NOC3L: variants seen among roughly 807,000 people sequenced by gnomAD.
The protein encoded by NOC3L is nucleolar complex protein 3 homolog.
Under a neutral mutation model 102.5 loss-of-function variants are expected in NOC3L, and 85 were observed. That is an observed-to-expected ratio of 0.83 (90% CI 0.70 to 0.99). The LOEUF (loss-of-function observed/expected upper bound fraction) is 0.99, where lower values mean the gene tolerates loss of function less well. Ranked by LOEUF, NOC3L falls within the 50% of genes least tolerant of loss-of-function variation. NOC3L has a pLI of 0.00. For synonymous variants in NOC3L, 303 were observed against 309.4 expected, an observed-to-expected ratio of 0.98 and a Z score of 0.22; for missense variants, 878 against 914.9, an observed-to-expected ratio of 0.96 and a Z score of 0.52.
chr10:94,337,980 C>A (rs2054242399), intron 18 of NOC3L, 106 bp from the exon 19 acceptor site: 1 of 742,924 alleles, frequency 1.3e-6, no homozygotes, highest in Non-Finnish European at 2.3e-6. Context: ...AATTTTTTTT[C>A]ATCACCTATG....
At chr10:94,335,181 G>A (rs947249530) in intron 19 of NOC3L, among the ~76,000 whole-genome samples, 1 of 152,122 alleles carries the variant, frequency 6.6e-6, no homozygotes, top group African/African-American at 2.4e-5. Flanking sequence ...GCGTGTAAAT[G>A]AATCCTTAAT....
the NOC3L span, chr10:94,316,476 T>C: frequency 2.1e-6 from 2 of 952,678 alleles, no homozygotes; most frequent in South Asian, 2.6e-5. Flanking sequence ...CAAACCTATC[T>C]GAACACCATG....
At position 94,358,098 on chromosome 10, in the gene NOC3L, CTT is replaced by C. The variant is rs1266302228; in HGVS notation, c.333_334del (p.Asp113SerfsTer4). The C allele has an allele frequency of 1.9e-6, 3 of 1,593,166 alleles. No individual in the cohort carries two copies. Among genetic ancestry groups the C allele is most frequent in the Non-Finnish European group, 1.7e-6 (2 of 1,161,548 alleles). On this transcript the variant is annotated frameshift_variant, in exon 3 of 21. Transcript: ENST00000371361. LOFTEE classifies it high-confidence loss of function. Reference sequence around the variant, plus strand: ...GAAGTATTACCTAGAAGAAAGATCTCTTGTTAGAAAAGATACTCTTTGTCCTA... The same window carrying C: ...GAAGTATTACCTAGAAGAAAGATCTCGTTAGAAAAGATACTCTTTGTCCTA...
intron 13 of NOC3L, among the ~76,000 whole-genome samples, chr10:94,343,360 TGGTG>T (rs1313173126): frequency 6.6e-6 from 1 of 152,104 alleles, no homozygotes; most frequent in Non-Finnish European, 1.5e-5. Flanking sequence ...CTGGGCAATA[TGGTG>T]AGAGCTTGTC....
intron 8 of NOC3L, 86 bp from the exon 9 acceptor site, chr10:94,350,374 A>G (rs1202327064): frequency 6.5e-5 from 67 of 1,035,616 alleles, no homozygotes; most frequent in Non-Finnish European, 9.5e-5. Flanking sequence ...GTACATTTTA[A>G]CACACATAAA....
intron 10 of NOC3L, among the ~76,000 whole-genome samples, chr10:94,347,929 T>C (rs1201339165): frequency 1.3e-5 from 2 of 151,926 alleles, no homozygotes; most frequent in Non-Finnish European, 2.9e-5. Context: ...TGGAGTAATA[T>C]ACTGAAATAA....
intron 2 of NOC3L, among the ~76,000 whole-genome samples, chr10:94,360,055 C>T (rs907611428): frequency 3.9e-4 from 60 of 152,276 alleles, no homozygotes; most frequent in Admixed American, 3.5e-3. Flanking sequence ...CGGTGGCTCA[C>T]GCCTGTAATC....
the NOC3L span, among the ~76,000 whole-genome samples, chr10:94,320,514 T>C: frequency 6.6e-6 from 1 of 152,178 alleles, no homozygotes; most frequent in Non-Finnish European, 1.5e-5. Flanking sequence ...TGGGTACAAT[T>C]CTAGTTGGAA....
At position 94,337,868 on chromosome 10, in the gene NOC3L, A is replaced by C. The variant is rs748775836; in HGVS notation, c.2098T>G (p.Tyr700Asp). ...GCAAATCTCTGCACTATGGGATGAT[A>C]ATGCCTCTGAAGGGAAAACGGGACA... Reference protein sequence around the residue: ...LWELHALRRHYHPIVQRFAAH... With the variant: ...LWELHALRRHDHPIVQRFAAH... The change falls in exon 19 of 21, where the codon TAT becomes GAT. Residue 700 changes from tyrosine to aspartate, a missense_variant. Coordinates refer to ENST00000371361, the MANE Select transcript of NOC3L (RefSeq NM_022451.11). The C allele has an allele frequency of 6.2e-7, 1 of 1,612,714 alleles. No homozygotes were observed. Among genetic ancestry groups the C allele is most frequent in the Non-Finnish European group, 8.5e-7 (1 of 1,178,790 alleles).
intron 7 of NOC3L, 106 bp downstream of exon 7, chr10:94,352,790 C>G: frequency 1.1e-6 from 1 of 951,106 alleles, no homozygotes; most frequent in Non-Finnish European, 1.6e-6. Flanking sequence ...CCACTGCACT[C>G]TAGTCTGGGC....
Position 94,352,483 on chromosome 10 carries a change from A to C in NOC3L, c.859-80T>G. On this transcript the variant is annotated intron_variant, in intron 7 of 20. Transcript: ENST00000371361. Reference sequence around the variant, plus strand: ...AAATTAGTATAAAATATGTGTGTCTAGTATACACCCAGTACTATTTAAAAA... The same window carrying C: ...AAATTAGTATAAAATATGTGTGTCTCGTATACACCCAGTACTATTTAAAAA... The C allele has an allele frequency of 7.9e-6, 7 of 883,256 alleles. No homozygotes were observed. The South Asian group carries it at 8.7e-5, about 11-fold the overall frequency. The allele number at this position is 883,256 out of a possible 1,614,324, so 54.7% of individuals were successfully genotyped here.
chr10:94,318,040 TCA>T, the NOC3L span, among the ~76,000 whole-genome samples: 3 of 152,134 alleles, frequency 2.0e-5, no homozygotes, highest in Non-Finnish European at 4.4e-5. Flanking sequence ...CACTTTCTAG[TCA>T]CAGTGAGTGA....
Position 94,353,000 on chromosome 10 carries a change from C to A in NOC3L, c.754G>T (p.Val252Phe), listed in dbSNP as rs761111082. ...ACAATTACCAGCTTTCGAACAGTAA[C>A]AGCCACATCAGGATCTTGTTCCATC... is the stretch of plus-strand genomic sequence containing the variant. The part of the protein sequence containing the change: ...MLMEQDPDVA[V>F]TVRKLVIVSL... Residue 252 changes from valine to phenylalanine, a missense_variant, in exon 7 of 21, where the codon GTT becomes TTT. By Grantham distance (50) the Val-to-Phe change is conservative. Coordinates refer to ENST00000371361, the MANE Select transcript of NOC3L (RefSeq NM_022451.11). The A allele has an allele frequency of 6.2e-7, 1 of 1,613,650 alleles. No individual in the cohort carries two copies. The highest frequency in any genetic ancestry group is 1.3e-5 in the African/African-American group (1 of 74,912).
At chr10:94,318,647 G>C in the NOC3L span, among the ~76,000 whole-genome samples, 2 of 152,176 alleles carry the variant, frequency 1.3e-5, no homozygotes, top group African/African-American at 4.8e-5. Context: ...ACCTTGGGAG[G>C]AGCAGGAGGC....
At chr10:94,354,872 G>T in intron 6 of NOC3L, 91 bp downstream of exon 6, 1 of 1,277,600 alleles carries the variant, frequency 7.8e-7, no homozygotes, top group Non-Finnish European at 1.1e-6. Context: ...TTTCCTTTTA[G>T]TGTATGCTTA....
At chr10:94,329,285 AT>A (rs951190552), downstream of NOC3L, 2 of 152,210 alleles carry the variant, frequency 1.3e-5, no homozygotes, top group African/African-American at 4.8e-5. Flanking sequence ...CAAATTATGA[AT>A]TTTAAAAATG....
At position 94,353,602 on chromosome 10, in the gene NOC3L, T is replaced by C. The variant is rs755871912; in HGVS notation, c.697-545A>G. Among the ~76,000 whole-genome samples, 3 of 152,180 alleles carry C rather than the reference T, an allele frequency of 2.0e-5. No individual in the cohort carries two copies. The South Asian group carries it at 6.2e-4, about 31-fold the overall frequency. On this transcript the variant is annotated intron_variant, in intron 6 of 20. Coordinates refer to ENST00000371361, the MANE Select transcript of NOC3L (RefSeq NM_022451.11). Reference sequence around the variant, plus strand: ...CCCACTTCCAACATCAGAGGTCACATTTCAACATAAGATTTGGAGGGGACA... The same window carrying C: ...CCCACTTCCAACATCAGAGGTCACACTTCAACATAAGATTTGGAGGGGACA...
chr10:94,350,941 CATTA>C (rs1328943962), intron 8 of NOC3L, among the ~76,000 whole-genome samples: 3 of 151,796 alleles, frequency 2.0e-5, no homozygotes, highest in Non-Finnish European at 2.9e-5. Flanking sequence ...GAATGTAAGA[CATTA>C]ATTTTTAAAA....
intron 19 of NOC3L, among the ~76,000 whole-genome samples, chr10:94,337,089 A>T (rs1029766293): frequency 1.3e-5 from 2 of 151,788 alleles, no homozygotes; most frequent in African/African-American, 4.8e-5. Flanking sequence ...AAAAAAAGTA[A>T]TTACTATTTT....
Sources: allele counts gnomAD v4.1 joint callset (sites outside exome capture counted in the v4.1 genomes callset), GRCh38; gene constraint gnomAD v4.1.1; transcripts MANE v1.5; gene names NCBI Gene and HGNC (gene_info 2026-07-23, HGNC 2026-07-21).